The following GALNT13 variants were observed in gnomAD, a reference collection of about 807,000 sequenced individuals.
GALNT13 encodes the protein UDP-GalNAc:polypeptide N-acetylgalactosaminyltransferase 13.
GALNT13 carries 28 observed loss-of-function variants against 64.2 expected under a neutral mutation model. That is an observed-to-expected ratio of 0.44 (90% CI 0.32 to 0.60). GALNT13 has a LOEUF of 0.60. Ranked by LOEUF, GALNT13 falls within the 20% of genes least tolerant of loss-of-function variation. GALNT13 has a pLI of 0.05. For missense variants in GALNT13, 577 were observed against 669.8 expected, an observed-to-expected ratio of 0.86 and a Z score of 1.53; for synonymous variants, 214 against 224.6, an observed-to-expected ratio of 0.95 and a Z score of 0.42.
the GALNT13 span, among the ~76,000 whole-genome samples, chr2:153,300,755 T>C: frequency 6.6e-6 from 1 of 152,096 alleles, no homozygotes; most frequent in Admixed American, 6.5e-5. Context: ...TGCCAAATTG[T>C]TAGAACAATT....
chr2:153,654,221 A>T, the GALNT13 span, among the ~76,000 whole-genome samples: 2 of 152,138 alleles, frequency 1.3e-5, no homozygotes, highest in East Asian at 1.9e-4. Flanking sequence ...TCAACAAATA[A>T]TTGGTGTGAA....
chr2:154,057,170 C>T (rs1326469652), intron 3 of GALNT13, among the ~76,000 whole-genome samples: 2 of 152,058 alleles, frequency 1.3e-5, no homozygotes, highest in Non-Finnish European at 2.9e-5. Flanking sequence ...GCTGGGACTA[C>T]AGGAGTGTGC....
the GALNT13 span, among the ~76,000 whole-genome samples, chr2:153,135,047 C>A: frequency 2.6e-5 from 4 of 152,100 alleles, no homozygotes; most frequent in Admixed American, 2.6e-4. Flanking sequence ...GCTTAAGCAA[C>A]AGAAATTCAT....
the GALNT13 span, among the ~76,000 whole-genome samples, chr2:153,848,094 A>G: frequency 2.0e-5 from 3 of 152,234 alleles, no homozygotes; most frequent in Admixed American, 1.3e-4. Context: ...TCCCAAGACA[A>G]TTCTCTGAAA....
At chr2:153,661,269 AATGATATATAAAAATTTT>A in the GALNT13 span, among the ~76,000 whole-genome samples, 71 of 152,258 alleles carry the variant, frequency 4.7e-4, no homozygotes, top group African/African-American at 1.7e-3. Flanking sequence ...GGGTTCACCT[AATGATATATAAAAATTTT>A]ATGATATCTG....
intron 3 of GALNT13, among the ~76,000 whole-genome samples, chr2:154,066,029 T>C (rs983843039): frequency 6.6e-6 from 1 of 152,130 alleles, no homozygotes; most frequent in African/African-American, 2.4e-5. Context: ...ACAAGGAGAT[T>C]GAAATAATTA....
chr2:153,135,362 T>A, the GALNT13 span, among the ~76,000 whole-genome samples: 1 of 152,146 alleles, frequency 6.6e-6, no homozygotes, highest in African/African-American at 2.4e-5. Context: ...ATTCACTCCA[T>A]CTGCGAATGA....
At chr2:153,288,250 T>C in the GALNT13 span, among the ~76,000 whole-genome samples, 4 of 152,152 alleles carry the variant, frequency 2.6e-5, no homozygotes, top group Admixed American at 6.5e-5. Flanking sequence ...ACAGATATTA[T>C]AAAGAATGTG....
intron 9 of GALNT13, among the ~76,000 whole-genome samples, chr2:154,390,147 A>C (rs1698716390): frequency 6.6e-6 from 1 of 152,212 alleles, no homozygotes; most frequent in Non-Finnish European, 1.5e-5. Flanking sequence ...TCCATCTAAT[A>C]TCTATTTAAA....
At chr2:154,017,083 A>G (rs944612015) in intron 3 of GALNT13, among the ~76,000 whole-genome samples, 5 of 152,182 alleles carry the variant, frequency 3.3e-5, no homozygotes, top group East Asian at 3.9e-4. Flanking sequence ...GGAACCCACA[A>G]TCTTGGGAAG....
intron 8 of GALNT13, among the ~76,000 whole-genome samples, chr2:154,263,013 G>C (rs1387781546): frequency 6.6e-6 from 1 of 152,058 alleles, no homozygotes; most frequent in Non-Finnish European, 1.5e-5. Flanking sequence ...CAATATCATG[G>C]GGAGCAGCAT....
At chr2:154,228,049 T>C (rs551550201) in intron 4 of GALNT13, among the ~76,000 whole-genome samples, 13 of 152,236 alleles carry the variant, frequency 8.5e-5, no homozygotes, top group Non-Finnish European at 1.8e-4. Flanking sequence ...CTCAAACAGT[T>C]TGCTGGCTGA....
chr2:153,496,015 T>C, the GALNT13 span, among the ~76,000 whole-genome samples: 5 of 152,200 alleles, frequency 3.3e-5, no homozygotes, highest in Non-Finnish European at 7.3e-5. Context: ...CCAAAGGTTA[T>C]AGCCCTGCCG....
chr2:153,819,457 G>T, the GALNT13 span, among the ~76,000 whole-genome samples: 2 of 152,268 alleles, frequency 1.3e-5, no homozygotes, highest in Admixed American at 1.3e-4. Flanking sequence ...CCCACACAGA[G>T]ACTTCAGTGC....
the GALNT13 span, among the ~76,000 whole-genome samples, chr2:153,843,973 C>T: frequency 6.6e-6 from 1 of 152,208 alleles, no homozygotes; most frequent in Non-Finnish European, 1.5e-5. Flanking sequence ...ACCCTGTAAC[C>T]TGTGGCTGCT....
At chr2:154,368,999 T>TTGC (rs1475148780) in intron 9 of GALNT13, among the ~76,000 whole-genome samples, 1 of 151,278 alleles carries the variant, frequency 6.6e-6, no homozygotes, top group East Asian at 1.9e-4. Context: ...AGACACCGAG[T>TTGC]TGTTGTTGTT....
intron 10 of GALNT13, among the ~76,000 whole-genome samples, chr2:154,396,520 A>G (rs1699061648): frequency 6.6e-6 from 1 of 152,206 alleles, no homozygotes; most frequent in Non-Finnish European, 1.5e-5. Flanking sequence ...AAACAATTAC[A>G]TGTTAATGTA....
At chr2:153,072,335 C>A in the GALNT13 span, among the ~76,000 whole-genome samples, 2 of 152,096 alleles carry the variant, frequency 1.3e-5, no homozygotes, top group Non-Finnish European at 2.9e-5. Flanking sequence ...CAGCCTCTCC[C>A]AAGAAAAAGG....
intron 11 of GALNT13, among the ~76,000 whole-genome samples, chr2:154,415,028 G>A (rs1699949269): frequency 6.6e-6 from 1 of 151,590 alleles, no homozygotes; most frequent in African/African-American, 2.4e-5. Flanking sequence ...AGCTGGGCAT[G>A]GTGGCATGCA....
Sources: allele counts gnomAD v4.1 joint callset (sites outside exome capture counted in the v4.1 genomes callset), GRCh38; gene constraint gnomAD v4.1.1; transcripts MANE v1.5; gene names NCBI Gene and HGNC (gene_info 2026-07-23, HGNC 2026-07-21).